The following SLC14A1 variants were observed in gnomAD, a reference collection of about 807,000 sequenced individuals.
SLC14A1 encodes urea transporter 1.
Under a neutral mutation model 39.6 loss-of-function variants are expected in SLC14A1, and 36 were observed. The observed-to-expected ratio is 0.91, with a 90% CI of 0.70 to 1.20. SLC14A1 has a LOEUF of 1.20. Among genes scored for constraint, SLC14A1 ranks in the 50% most tolerant of loss-of-function variants. The pLI is 0.00. For synonymous variants in SLC14A1, 164 were observed against 173.6 expected (o/e 0.94, Z 0.43); for missense variants, 469 against 478.7 (o/e 0.98, Z 0.19).
intron 4 of SLC14A1, among the ~76,000 whole-genome samples, chr18:45,732,133 A>G (rs1411649995): frequency 1.3e-5 from 2 of 152,132 alleles, no homozygotes; most frequent in Non-Finnish European, 2.9e-5. Flanking sequence ...TTCCTTTATG[A>G]TTTTGCTCTG....
At position 45,736,608 on chromosome 18, in the gene SLC14A1, C is replaced by T; in HGVS notation, c.623C>T (p.Thr208Ile). Residue 208 changes from threonine (T) to isoleucine (I), a missense_variant, in exon 6 of 10, where the codon ACA (threonine) becomes ATA (isoleucine). Transcript: ENST00000321925. Reference protein sequence around the residue: ...FPAKLVIPITTAPNISWSDLS... With the variant: ...FPAKLVIPITIAPNISWSDLS... ...GCCAAACTGGTCATACCTATAACTA[C>T]AGCTCCAAATATCTCCTGGTCTGAC... 6.2e-7 allele frequency: 1 copy of T among 1,614,176 alleles called. No individual in the cohort carries two copies. Among genetic ancestry groups the T allele is most frequent in the Non-Finnish European group, 8.5e-7 (1 of 1,180,014 alleles).
rs968913719 is a variant in SLC14A1, at chr18:45,749,682, C to T, written c.997-96C>T. ...CAGAGCAATGCCCCCAGTGGTTCAT[C>T]CCCCTGGGCTGAATGCAAGTAGAGG... On this transcript the variant is annotated intron_variant, in intron 9 of 9. Transcript: ENST00000321925. 8 of 1,399,758 alleles carry T rather than the reference C, an allele frequency of 5.7e-6. No homozygotes were observed. The South Asian group carries it at 7.0e-5, about 12-fold the overall frequency. 86.7% of individuals were successfully genotyped at this position (1,399,758 alleles called of 1,614,324 possible).
chr18:45,734,740 T>TGAG (rs60802418), intron 5 of SLC14A1, among the ~76,000 whole-genome samples: 4,778 of 150,430 alleles, frequency 0.032, 251 homozygotes, highest in African/African-American at 0.11. Context: ...TTGGGCTAAG[T>TGAG]GAGGAGGAGG....
At position 45,730,395 on chromosome 18, in the gene SLC14A1, T is replaced by C. The variant is rs1289618683; in HGVS notation, c.75T>C (p.Cys25=). 3.1e-6 allele frequency: 5 copies of C among 1,614,066 alleles called. No individual in the cohort carries two copies. Among genetic ancestry groups the C allele is most frequent in the Non-Finnish European group, 4.2e-6 (5 of 1,180,026 alleles). Residue 25 remains cysteine (C), a synonymous_variant, in exon 3 of 10, where the codon TGT becomes TGC. Transcript: ENST00000321925. Reference sequence around the variant, plus strand: ...GGGGTGAAAACCAGGTTTCGCCATGTCAAGGGAGAAGGTGCTTCCCCAAAG... The same window carrying C: ...GGGGTGAAAACCAGGTTTCGCCATGCCAAGGGAGAAGGTGCTTCCCCAAAG... ...MVRGENQVSP[C]QGRRCFPKAL... is the part of the protein sequence containing the mutation.
intron 5 of SLC14A1, among the ~76,000 whole-genome samples, chr18:45,735,316 G>A (rs945969671): frequency 6.6e-5 from 10 of 152,348 alleles, no homozygotes; most frequent in African/African-American, 1.2e-4. Flanking sequence ...GGTTTCTGAT[G>A]CAGTCTATCT....
intron 6 of SLC14A1, among the ~76,000 whole-genome samples, chr18:45,738,501 T>C (rs564661179): frequency 5.9e-5 from 9 of 152,348 alleles, no homozygotes; most frequent in Non-Finnish European, 1.2e-4. Context: ...GACATTTCCA[T>C]GTATTTTTGT....
chr18:45,751,355 AAACAAAC>A lies in SLC14A1; in HGVS notation c.*1407_*1413del, dbSNP rs1355426980. 3.2e-5 allele frequency: 25 copies of A among 772,296 alleles called. No homozygotes were observed. Among genetic ancestry groups the A allele is most frequent in the Non-Finnish European group, 3.1e-5 (20 of 646,726 alleles). 47.8% of individuals were successfully genotyped at this position (772,296 alleles called of 1,614,324 possible). ...AACTGTGTCTCTCAAAAAAAAAAAAAAACAAACAAAAACAAAAACAAAACAAAACAAA... is the reference window on the plus strand; with the variant it reads ...AACTGTGTCTCTCAAAAAAAAAAAAAAAAAACAAAAACAAAACAAAACAAA... On this transcript the variant is annotated 3_prime_UTR_variant, in exon 10 of 10. Coordinates refer to ENST00000321925, the MANE Select transcript of SLC14A1 (RefSeq NM_015865.7).
At chr18:45,732,174 ATAT>A (rs2047049384) in intron 4 of SLC14A1, among the ~76,000 whole-genome samples, 1 of 152,218 alleles carries the variant, frequency 6.6e-6, no homozygotes, top group African/African-American at 2.4e-5. Flanking sequence ...TTTTTGTCAG[ATAT>A]TATTTAGAAG....
Position 45,730,949 on chromosome 18 carries a change from T to G in SLC14A1, c.152-66T>G. The G allele has an allele frequency of 3.5e-6, 5 of 1,411,192 alleles. No homozygotes were observed. The South Asian group carries it at 5.7e-5, about 16-fold the overall frequency. 87.4% of individuals were successfully genotyped at this position (1,411,192 alleles called of 1,614,324 possible). On this transcript the variant is annotated intron_variant, in intron 3 of 9. Transcript: ENST00000321925. Reference sequence around the variant, plus strand: ...GAGGTTTTGCTGATTTTGCTCAGGGTGGGCCTGTGGTTGAAGAGTATCACT... The same window carrying G: ...GAGGTTTTGCTGATTTTGCTCAGGGGGGGCCTGTGGTTGAAGAGTATCACT...
At chr18:45,728,071 C>T (rs569280761) in intron 2 of SLC14A1, among the ~76,000 whole-genome samples, 2 of 152,244 alleles carry the variant, frequency 1.3e-5, no homozygotes, top group East Asian at 1.9e-4. Context: ...ACAACCCATC[C>T]CAATTATGTT....
Position 45,751,955 on chromosome 18 carries a change from C to A in SLC14A1, c.*2004C>A, listed in dbSNP as rs1209606893. On this transcript the variant is annotated 3_prime_UTR_variant, in exon 10 of 10. Transcript: ENST00000321925. ...TGCTCAGTGCACAATATACATTTTG[C>A]TGAATGAATAAACAGAAATAGGGAA... 1 of 985,144 alleles carries A rather than the reference C, an allele frequency of 1.0e-6. No homozygotes were observed. The highest frequency in any genetic ancestry group is 1.2e-6 in the Non-Finnish European group (1 of 829,906). The allele number at this position is 985,144 out of a possible 1,614,324, so 61.0% of individuals were successfully genotyped here. A position where few individuals can be genotyped will look rare whatever the true frequency, so the allele number is the denominator to read the frequency against.
chr18:45,731,959 GGA>G (rs1252084681), intron 4 of SLC14A1, among the ~76,000 whole-genome samples: 1 of 152,174 alleles, frequency 6.6e-6, no homozygotes, highest in Non-Finnish European at 1.5e-5. Context: ...AGGTCCGTGG[GGA>G]GAGAGTTAGC....
chr18:45,727,175 C>T lies in SLC14A1; in HGVS notation c.-22+2162C>T. ...GAACCCAGTGGGCGCGCTCCAGCCC[C>T]CCTCAGCTTGCCTTTTGCGTGGTCA... On this transcript the variant is annotated intron_variant, in intron 2 of 9. Coordinates refer to ENST00000321925, the MANE Select transcript of SLC14A1 (RefSeq NM_015865.7). 3 of 1,323,594 alleles carry T rather than the reference C, an allele frequency of 2.3e-6. No homozygotes were observed. In the Admixed American group the frequency reaches 6.0e-5, roughly 26 times the overall value. The allele number at this position is 1,323,594 out of a possible 1,614,324, so 82.0% of individuals were successfully genotyped here.
At position 45,752,317 on chromosome 18, in the gene SLC14A1, C is replaced by A; in HGVS notation, c.*2366C>A. 1 of 792,222 alleles carries A rather than the reference C, an allele frequency of 1.3e-6. No individual in the cohort carries two copies. Among genetic ancestry groups the A allele is most frequent in the Non-Finnish European group, 1.5e-6 (1 of 653,710 alleles). 49.1% of individuals were successfully genotyped at this position (792,222 alleles called of 1,614,324 possible). A position where few individuals can be genotyped will look rare whatever the true frequency, so the allele number is the denominator to read the frequency against. On this transcript the variant is annotated 3_prime_UTR_variant, in exon 10 of 10. Coordinates refer to ENST00000321925, the MANE Select transcript of SLC14A1 (RefSeq NM_015865.7). Reference sequence around the variant, plus strand: ...AGTCGATCTTCAGAACAGGGATCTACCATGCAGGAGCTTCTTGTGCTCACA... The same window carrying A: ...AGTCGATCTTCAGAACAGGGATCTAACATGCAGGAGCTTCTTGTGCTCACA...
chr18:45,730,972 A>C, intron 3 of SLC14A1, 43 bp from the exon 4 acceptor site: 2 of 1,581,032 alleles, frequency 1.3e-6, no homozygotes, highest in Non-Finnish European at 1.7e-6. Flanking sequence ...GAAGAGTATC[A>C]CTTGGCAGCT....
chr18:45,730,787 AG>A (rs1344791183), intron 3 of SLC14A1, among the ~76,000 whole-genome samples: 1 of 152,208 alleles, frequency 6.6e-6, no homozygotes, highest in African/African-American at 2.4e-5. Context: ...AGATGCTTTC[AG>A]GAGCTTAGAT....
In SLC14A1 at chr18:45,746,350, G is replaced by C. The variant is rs958304057; in HGVS notation, c.947-2026G>C. ...TGCGCCTCTACTGTAAGGCTTTCCCGGTCCTACTTGGCGAGTCTTAATTGA... is the reference window on the plus strand; with the variant it reads ...TGCGCCTCTACTGTAAGGCTTTCCCCGTCCTACTTGGCGAGTCTTAATTGA... On this transcript the variant is annotated intron_variant, in intron 8 of 9. Transcript: ENST00000321925. 2.0e-5 allele frequency among the ~76,000 whole-genome samples: 3 copies of C among 152,106 alleles called. No homozygotes were observed. The East Asian group carries it at 5.8e-4, about 29-fold the overall frequency.
chr18:45,744,020 T>TTC (rs2047470025), intron 8 of SLC14A1, among the ~76,000 whole-genome samples: 1 of 151,140 alleles, frequency 6.6e-6, no homozygotes, highest in African/African-American at 2.4e-5. Flanking sequence ...CTTCTGTACT[T>TTC]TTTTTTTTTT....
chr18:45,748,643 T>C (rs2047621659), intron 9 of SLC14A1, among the ~76,000 whole-genome samples: 1 of 152,186 alleles, frequency 6.6e-6, no homozygotes, highest in Admixed American at 6.5e-5. Flanking sequence ...AAGTATCAGA[T>C]TGCTTGGTTT....
Sources: allele counts gnomAD v4.1 joint callset (sites outside exome capture counted in the v4.1 genomes callset), GRCh38; gene constraint gnomAD v4.1.1; transcripts MANE v1.5; gene names NCBI Gene and HGNC (gene_info 2026-07-23, HGNC 2026-07-21).